The following TRHDE variants were observed in gnomAD, a reference collection of about 807,000 sequenced individuals.
TRHDE encodes thyrotropin-releasing hormone-degrading ectoenzyme.
TRHDE carries 72 observed loss-of-function variants against 125.7 expected under a neutral mutation model. The observed-to-expected ratio is 0.57, with a 90% CI of 0.47 to 0.70. TRHDE has a LOEUF of 0.70. Ranked by LOEUF, TRHDE falls within the 30% of genes least tolerant of loss-of-function variation. TRHDE has a pLI of 0.00. For missense variants in TRHDE, 1,110 were observed against 1,327.1 expected, an observed-to-expected ratio of 0.84 and a Z score of 2.54; for synonymous variants, 509 against 509.1, an observed-to-expected ratio of 1.00 and a Z score of 0.00.
intron 3 of TRHDE, among the ~76,000 whole-genome samples, chr12:72,380,748 T>TTCCTTCCTTCCA (rs1872117995): frequency 1.1e-5 from 1 of 93,540 alleles, no homozygotes; most frequent in African/African-American, 7.6e-5. Context: ...CCTTCCTTCC[T>TTCCTTCCTTCCA]TCCTTCCTTC....
At chr12:72,518,234 T>C (rs1878983032) in intron 6 of TRHDE, among the ~76,000 whole-genome samples, 1 of 147,556 alleles carries the variant, frequency 6.8e-6, no homozygotes, top group South Asian at 2.1e-4. Context: ...TGTCTAATGT[T>C]GACAGTGGGG....
intron 2 of TRHDE, among the ~76,000 whole-genome samples, chr12:72,295,983 C>A (rs1880284940): frequency 6.6e-6 from 1 of 152,310 alleles, no homozygotes; most frequent in East Asian, 1.9e-4. Flanking sequence ...TCATCCTCCT[C>A]CTCTCTACTT....
intron 1 of TRHDE, among the ~76,000 whole-genome samples, chr12:72,282,732 A>G (rs945887217): frequency 2.0e-5 from 3 of 152,196 alleles, no homozygotes; most frequent in Non-Finnish European, 2.9e-5. Context: ...TCTCCATCCA[A>G]CTATGACCTT....
intron 2 of TRHDE, among the ~76,000 whole-genome samples, chr12:72,202,490 G>C (rs1877579665): frequency 1.3e-5 from 2 of 152,166 alleles, no homozygotes; most frequent in Admixed American, 1.3e-4. Flanking sequence ...TATTTCTACT[G>C]TGGGAAGCTG....
At chr12:72,392,632 C>T (rs1218420700) in intron 3 of TRHDE, among the ~76,000 whole-genome samples, 1 of 152,116 alleles carries the variant, frequency 6.6e-6, no homozygotes, top group Admixed American at 6.5e-5. Flanking sequence ...ACAAAATATA[C>T]ATGAATTGAT....
intron 5 of TRHDE, among the ~76,000 whole-genome samples, chr12:72,476,905 A>C (rs905016706): frequency 6.6e-6 from 1 of 152,198 alleles, no homozygotes; most frequent in Non-Finnish European, 1.5e-5. Context: ...GGAATACTAC[A>C]TATGATAAAA....
intron 12 of TRHDE, among the ~76,000 whole-genome samples, chr12:72,606,465 A>T (rs1872449786): frequency 6.6e-6 from 1 of 152,166 alleles, no homozygotes; most frequent in African/African-American, 2.4e-5. Flanking sequence ...TTTGTGTGGC[A>T]CTTTACAGTT....
At chr12:72,115,349 C>A (rs1875419694) in intron 2 of TRHDE, among the ~76,000 whole-genome samples, 1 of 151,494 alleles carries the variant, frequency 6.6e-6, no homozygotes, top group Non-Finnish European at 1.5e-5. Flanking sequence ...ACCTCTAGTT[C>A]CGTCCATGTT....
At chr12:72,437,278 A>G (rs1388506121) in intron 3 of TRHDE, among the ~76,000 whole-genome samples, 1 of 151,868 alleles carries the variant, frequency 6.6e-6, no homozygotes, top group Non-Finnish European at 1.5e-5. Flanking sequence ...GGAAGTAATT[A>G]TTATCTTGCC....
rs1409211537 is a variant in TRHDE at position 72,473,175 on chromosome 12, A to C, written c.1579A>C (p.Asn527His). 1.2e-6 allele frequency: 2 copies of C among 1,612,792 alleles called. No individual in the cohort carries two copies. The highest frequency in any genetic ancestry group is 2.7e-5 in the African/African-American group (2 of 74,892). Reference sequence around the variant, plus strand: ...TACAGACTACCTCTATCCTGGCTGGAACATGGTAAGTGCACTTGAATTATT... The same window carrying C: ...TACAGACTACCTCTATCCTGGCTGGCACATGGTAAGTGCACTTGAATTATT... Reference protein sequence around the residue: ...VGTDYLYPGWNMEKQRFLTDV... With the variant: ...VGTDYLYPGWHMEKQRFLTDV... The change falls in exon 5 of 19, where the codon AAC becomes CAC. Residue 527 changes from asparagine (N) to histidine (H), a missense_variant. By Grantham distance (68) the Asn-to-His change is moderately conservative (BLOSUM62 1). Transcript: ENST00000261180.
intron 2 of TRHDE, among the ~76,000 whole-genome samples, chr12:72,230,741 G>A (rs1163888357): frequency 6.6e-6 from 1 of 152,124 alleles, no homozygotes; most frequent in African/African-American, 2.4e-5. Flanking sequence ...GCAGGGAGAT[G>A]CATTTTCCTT....
At chr12:72,209,563 T>A (rs963318740) in intron 2 of TRHDE, among the ~76,000 whole-genome samples, 1 of 152,224 alleles carries the variant, frequency 6.6e-6, no homozygotes, top group African/African-American at 2.4e-5. Context: ...TTAATTTAAC[T>A]GTTGGAAAAG....
chr12:72,530,299 A>G (rs1017944100), intron 6 of TRHDE, among the ~76,000 whole-genome samples: 2 of 152,002 alleles, frequency 1.3e-5, no homozygotes, highest in African/African-American at 2.4e-5. Context: ...TGTCAACTCA[A>G]AAATTAATTC....
chr12:72,430,318 C>CATATATACATATATAT (rs573385322), intron 3 of TRHDE, among the ~76,000 whole-genome samples: 15 of 137,216 alleles, frequency 1.1e-4, no homozygotes, highest in Admixed American at 5.9e-4. Context: ...TGTATATATA[C>CATATATACATATATAT]ATGTATACAT....
At chr12:72,422,602 G>C (rs1369860807) in intron 3 of TRHDE, among the ~76,000 whole-genome samples, 1 of 152,000 alleles carries the variant, frequency 6.6e-6, no homozygotes, top group African/African-American at 2.4e-5. Context: ...ATTCTTCCTG[G>C]AACAAATTTA....
At chr12:72,468,767 T>C (rs1876504652) in intron 3 of TRHDE, among the ~76,000 whole-genome samples, 1 of 152,242 alleles carries the variant, frequency 6.6e-6, no homozygotes, top group Non-Finnish European at 1.5e-5. Context: ...CAGCCGCCAC[T>C]GCCTGTTGCT....
At chr12:72,358,873 T>C (rs1362798667) in intron 2 of TRHDE, among the ~76,000 whole-genome samples, 1 of 151,536 alleles carries the variant, frequency 6.6e-6, no homozygotes, top group Non-Finnish European at 1.5e-5. Context: ...TTATAAAACT[T>C]AGATGAAATG....
At chr12:72,345,490 G>A (rs1032042828) in intron 2 of TRHDE, among the ~76,000 whole-genome samples, 4 of 152,072 alleles carry the variant, frequency 2.6e-5, no homozygotes, top group African/African-American at 9.7e-5. Flanking sequence ...AAACTGATGA[G>A]TTTTAAATGC....
chr12:72,598,375 T>G lies in TRHDE; in HGVS notation c.2322-20516T>G, dbSNP rs192869079. ...TCTTTATATTAAATGAAATGCCAATTTTTTGCATGTTTGATTTATATTATT... is the reference window on the plus strand; with the variant it reads ...TCTTTATATTAAATGAAATGCCAATGTTTTGCATGTTTGATTTATATTATT... On this transcript the variant is annotated intron_variant, in intron 12 of 18. Coordinates refer to ENST00000261180, the MANE Select transcript of TRHDE (RefSeq NM_013381.3). 2.6e-3 allele frequency among the ~76,000 whole-genome samples: 392 copies of G among 152,316 alleles called. 2 individuals are homozygous for G. The highest frequency in any genetic ancestry group is 8.9e-3 in the African/African-American group (371 of 41,582).
Sources: allele counts gnomAD v4.1 joint callset (sites outside exome capture counted in the v4.1 genomes callset), GRCh38; gene constraint gnomAD v4.1.1; transcripts MANE v1.5; gene names NCBI Gene and HGNC (gene_info 2026-07-23, HGNC 2026-07-21).